Variants in GALNTL5 observed in about 807,000 individuals in gnomAD.
The protein encoded by GALNTL5 is inactive polypeptide N-acetylgalactosaminyltransferase-like protein 5.
In GALNTL5, 44 loss-of-function variants were observed where a neutral mutation model predicts 51.0. The observed-to-expected ratio is 0.86, with a 90% CI of 0.68 to 1.11. The LOEUF is 1.11. Among genes scored for constraint, GALNTL5 ranks in the 50% least tolerant of loss-of-function variants. The pLI, the probability that GALNTL5 is intolerant of heterozygous loss-of-function variation, is 0.00. For synonymous variants in GALNTL5, 192 were observed against 182.8 expected (o/e 1.05, Z -0.41); for missense variants, 528 against 531.8 (o/e 0.99, Z 0.07).
rs143691064 is a variant in GALNTL5, at chr7:152,012,882, G to A, written c.1027-1762G>A. Among the ~76,000 whole-genome samples, 402 of 152,158 alleles carry A rather than the reference G, an allele frequency of 2.6e-3. 1 individual carries two copies. The highest frequency in any genetic ancestry group is 9.5e-3 in the African/African-American group (394 of 41,526). The stretch of plus-strand genomic sequence containing the variant: ...CTCAGGAGGCTTAGGCATGAGAATC[G>A]CTTGAACCTGGATGGCGGGGCATCC... On this transcript the variant is annotated intron_variant, in intron 7 of 8. Coordinates refer to ENST00000392800, the MANE Select transcript of GALNTL5 (RefSeq NM_145292.4).
Position 151,971,012 on chromosome 7 carries a change from T to C in GALNTL5, c.315T>C (p.Ile105=). 6.2e-7 allele frequency: 1 copy of C among 1,611,130 alleles called. No individual in the cohort carries two copies. Among genetic ancestry groups the C allele is most frequent in the African/African-American group, 1.3e-5 (1 of 74,944 alleles). ...TTTTAAAATATGGATTTAATGTGATTATCAGTAGAAGCTTGGGCATCGAAA... is the reference window on the plus strand; with the variant it reads ...TTTTAAAATATGGATTTAATGTGATCATCAGTAGAAGCTTGGGCATCGAAA... ...KELLKYGFNV[I]ISRSLGIERE... Residue 105 remains isoleucine (I), a synonymous_variant, in exon 3 of 9, where the codon ATT becomes ATC. Transcript: ENST00000392800.
At chr7:151,973,921 T>C (rs2081178147) in intron 3 of GALNTL5, among the ~76,000 whole-genome samples, 1 of 152,070 alleles carries the variant, frequency 6.6e-6, no homozygotes, top group Non-Finnish European at 1.5e-5. Flanking sequence ...GTTCTCATGG[T>C]AGTGAGGGAG....
At chr7:151,988,174 C>T (rs1309069726) in intron 5 of GALNTL5, among the ~76,000 whole-genome samples, 2 of 152,188 alleles carry the variant, frequency 1.3e-5, no homozygotes, top group Non-Finnish European at 2.9e-5. Flanking sequence ...TGAACACTGC[C>T]CTCCCCTGGG....
At chr7:151,981,916 A>G (rs970738049) in intron 3 of GALNTL5, among the ~76,000 whole-genome samples, 1 of 151,062 alleles carries the variant, frequency 6.6e-6, no homozygotes, top group African/African-American at 2.4e-5. Context: ...CCAAAGTGCC[A>G]GGATTACAGA....
At chr7:152,001,587 G>T (rs2081581615) in intron 5 of GALNTL5, among the ~76,000 whole-genome samples, 1 of 151,966 alleles carries the variant, frequency 6.6e-6, no homozygotes, top group African/African-American at 2.4e-5. Context: ...GTTTATTTCT[G>T]GTTTCTGTGT....
intron 2 of GALNTL5, chr7:151,970,576 C>T (rs1023399947): frequency 3.6e-5 from 7 of 194,084 alleles, no homozygotes; most frequent in Admixed American, 5.4e-5. Context: ...AGCCTGGCAT[C>T]CCCCGCTCCT....
intron 5 of GALNTL5, chr7:151,995,348 A>ATTTTTTTTTTTTTTT (rs71198750): frequency 5.6e-5 from 4 of 71,174 alleles, no homozygotes; most frequent in African/African-American, 1.9e-4. Flanking sequence ...GTTGGTATGA[A>ATTTTTTTTTTTTTTT]TTTTTTTTTT....
chr7:151,975,143 T>G (rs1019935871), intron 3 of GALNTL5, among the ~76,000 whole-genome samples: 2 of 152,176 alleles, frequency 1.3e-5, no homozygotes, highest in African/African-American at 4.8e-5. Flanking sequence ...TGGAAGAGTT[T>G]GAAAAGGATT....
At chr7:151,978,928 T>G (rs1037817615) in intron 3 of GALNTL5, among the ~76,000 whole-genome samples, 5 of 152,148 alleles carry the variant, frequency 3.3e-5, no homozygotes, top group African/African-American at 4.8e-5. Context: ...GATCACATTC[T>G]GAGGTCCTGG....
chr7:151,997,316 C>A (rs10235029), intron 5 of GALNTL5, among the ~76,000 whole-genome samples: 20,144 of 152,182 alleles, frequency 0.13, 2,007 homozygotes, highest in East Asian at 0.35. Context: ...ATCTCTAAAA[C>A]CAATAAATAG....
intron 3 of GALNTL5, among the ~76,000 whole-genome samples, chr7:151,972,121 A>C (rs2081151936): frequency 6.6e-6 from 1 of 152,200 alleles, no homozygotes; most frequent in Non-Finnish European, 1.5e-5. Context: ...TCAGAAGAAA[A>C]GAGGAAGATG....
intron 5 of GALNTL5, among the ~76,000 whole-genome samples, chr7:152,002,230 A>G (rs971549410): frequency 1.3e-5 from 2 of 152,020 alleles, no homozygotes; most frequent in African/African-American, 4.8e-5. Context: ...CAGTGAGCCA[A>G]TATCATGCCA....
intron 3 of GALNTL5, among the ~76,000 whole-genome samples, chr7:151,977,049 G>T (rs565734533): frequency 3.9e-5 from 6 of 152,262 alleles, no homozygotes; most frequent in African/African-American, 7.2e-5. Context: ...AATGAGAAAA[G>T]TATTAGTAAA....
chr7:151,991,632 G>A (rs2081430156), intron 5 of GALNTL5, among the ~76,000 whole-genome samples: 1 of 152,084 alleles, frequency 6.6e-6, no homozygotes, highest in South Asian at 2.1e-4. Context: ...TCTATTTCCA[G>A]CATCTCTCTT....
intron 8 of GALNTL5, among the ~76,000 whole-genome samples, chr7:152,015,034 G>C (rs547574040): frequency 1.2e-4 from 18 of 152,308 alleles, no homozygotes; most frequent in African/African-American, 3.1e-4. Flanking sequence ...AGGGTGGACT[G>C]TGGGAGGAGG....
intron 4 of GALNTL5, among the ~76,000 whole-genome samples, chr7:151,986,823 G>A (rs578108377): frequency 6.6e-6 from 1 of 151,172 alleles, no homozygotes; most frequent in African/African-American, 2.4e-5. Context: ...TGCCTCCCGG[G>A]TTCAAGCGAT....
intron 3 of GALNTL5, among the ~76,000 whole-genome samples, chr7:151,981,677 CTTTCT>C (rs1389911248): frequency 3.6e-4 from 41 of 113,022 alleles, no homozygotes; most frequent in Middle Eastern, 4.2e-3. Context: ...CCTCTTCTTT[CTTTCT>C]TTTTTTTTTT....
chr7:151,968,111 C>A (rs1264326130), intron 2 of GALNTL5, among the ~76,000 whole-genome samples: 1 of 151,938 alleles, frequency 6.6e-6, no homozygotes, highest in African/African-American at 2.4e-5. Context: ...GCCTGGGGAA[C>A]ATAGCAAGAC....
chr7:151,982,155 G>A (rs1024180519), intron 3 of GALNTL5, among the ~76,000 whole-genome samples: 3 of 152,108 alleles, frequency 2.0e-5, no homozygotes, highest in African/African-American at 4.8e-5. Context: ...GCTCATGCCT[G>A]TAATCCCAAC....
Sources: allele counts gnomAD v4.1 joint callset (sites outside exome capture counted in the v4.1 genomes callset), GRCh38; gene constraint gnomAD v4.1.1; transcripts MANE v1.5; gene names NCBI Gene and HGNC (gene_info 2026-07-23, HGNC 2026-07-21).